Variants in CSRNP3 observed in about 807,000 individuals in gnomAD.
The protein encoded by CSRNP3 is cysteine/serine-rich nuclear protein 3.
In CSRNP3, 12 loss-of-function variants were observed where a neutral mutation model predicts 48.0. The ratio of observed to expected loss-of-function variants is 0.25; its 90% CI spans 0.16 to 0.41. The LOEUF (loss-of-function observed/expected upper bound fraction) is 0.41, where lower values mean the gene tolerates loss of function less well. Among genes scored for constraint, CSRNP3 ranks in the 10% least tolerant of loss-of-function variants. CSRNP3 has a pLI of 1.00. For synonymous variants in CSRNP3, 263 were observed against 269.7 expected, an observed-to-expected ratio of 0.98 and a Z score of 0.24; for missense variants, 580 against 724.4, an observed-to-expected ratio of 0.80 and a Z score of 2.29.
chr2:165,487,956 A>T (rs1165555821), intron 1 of CSRNP3, among the ~76,000 whole-genome samples: 2 of 138,022 alleles, frequency 1.4e-5, no homozygotes, highest in African/African-American at 5.6e-5. Context: ...TATTAACTTT[A>T]AATGTAAATG....
intron 3 of CSRNP3, among the ~76,000 whole-genome samples, chr2:165,526,667 T>C (rs1009034144): frequency 6.6e-6 from 1 of 152,316 alleles, no homozygotes; most frequent in African/African-American, 2.4e-5. Context: ...TGTGAGGACT[T>C]AGGCAAACTG....
At chr2:165,611,797 C>G (rs1686142413) in intron 4 of CSRNP3, among the ~76,000 whole-genome samples, 1 of 152,072 alleles carries the variant, frequency 6.6e-6, no homozygotes, top group East Asian at 1.9e-4. Flanking sequence ...AGTCTCAGTT[C>G]AGTGTTTGAA....
At position 165,687,523 on chromosome 2, in the gene CSRNP3, T is replaced by C. The variant is rs1687649408; in HGVS notation, c.*7770T>C. 6.6e-6 allele frequency: 1 copy of C among 152,098 alleles called. No homozygotes were observed. Among genetic ancestry groups the C allele is most frequent in the African/African-American group, 2.4e-5 (1 of 41,408 alleles). 9.4% of individuals were successfully genotyped at this position (152,098 alleles called of 1,614,324 possible). ...AAGTAATGACCTTCTCATTAATCTT[T>C]CCTTGGCTTAAAATGACAAATAAGA... On this transcript the variant is annotated 3_prime_UTR_variant, in exon 7 of 7. Transcript: ENST00000651982.
intron 2 of CSRNP3, among the ~76,000 whole-genome samples, chr2:165,499,673 A>G (rs1350602638): frequency 6.6e-6 from 1 of 152,170 alleles, no homozygotes; most frequent in Non-Finnish European, 1.5e-5. Flanking sequence ...GAACTGGACT[A>G]AGGTTAAAAG....
At chr2:165,650,414 T>A (rs1253703507) in intron 4 of CSRNP3, among the ~76,000 whole-genome samples, 1 of 152,220 alleles carries the variant, frequency 6.6e-6, no homozygotes, top group Non-Finnish European at 1.5e-5. Flanking sequence ...ACCTTGGCTA[T>A]CATGTCAAGT....
At chr2:165,661,923 C>A (rs2105349618) in intron 5 of CSRNP3, among the ~76,000 whole-genome samples, 1 of 152,196 alleles carries the variant, frequency 6.6e-6, no homozygotes, top group South Asian at 2.1e-4. Context: ...CTTTGAGAAC[C>A]AACAGCCCCA....
At chr2:165,552,976 G>T (rs911036673) in intron 3 of CSRNP3, among the ~76,000 whole-genome samples, 1 of 152,122 alleles carries the variant, frequency 6.6e-6, no homozygotes, top group Non-Finnish European at 1.5e-5. Context: ...TTACAGGTGT[G>T]AGCCAATGTG....
chr2:165,494,832 C>A lies in CSRNP3; in HGVS notation c.-209C>A. ...TTGAAGAAGTCAACGGCTCCTCACCCTGCTCTTCAGTGCAGGAATCAGATG... is the reference window on the plus strand; with the variant it reads ...TTGAAGAAGTCAACGGCTCCTCACCATGCTCTTCAGTGCAGGAATCAGATG... On this transcript the variant is annotated 5_prime_UTR_variant, in exon 2 of 7. It adds an upstream start codon to the 5' untranslated region. Transcript: ENST00000651982. 1.5e-5 allele frequency: 3 copies of A among 201,176 alleles called. No homozygotes were observed. Among genetic ancestry groups the A allele is most frequent in the South Asian group, 2.4e-4 (2 of 8,430 alleles). The allele number at this position is 201,176 out of a possible 1,614,324, so 12.5% of individuals were successfully genotyped here.
At chr2:165,666,082 AAGG>A (rs1687189641) in intron 5 of CSRNP3, among the ~76,000 whole-genome samples, 1 of 114,796 alleles carries the variant, frequency 8.7e-6, no homozygotes, top group Non-Finnish European at 1.9e-5. Context: ...GAGAGAGAGA[AAGG>A]AAGGAAGGAG....
At chr2:165,626,329 A>G (rs1019223152) in intron 4 of CSRNP3, among the ~76,000 whole-genome samples, 2 of 152,134 alleles carry the variant, frequency 1.3e-5, no homozygotes, top group African/African-American at 4.8e-5. Context: ...GAAGTAAGGG[A>G]AGGAGTGAGA....
rs1335736976 is a variant in CSRNP3 at position 165,618,975 on chromosome 2, T to G, written c.148+23762T>G. On this transcript the variant is annotated intron_variant, in intron 4 of 6. Transcript: ENST00000651982. ...ACTTCTTTTCATTTAGACATACCCT[T>G]CCTTTTCTTTCTTTAGGGATGGTTA... Among the ~76,000 whole-genome samples the G allele has an allele frequency of 2.0e-5, 3 of 152,294 alleles. No individual in the cohort carries two copies. In the East Asian group the frequency reaches 5.8e-4, roughly 29 times the overall value.
chr2:165,536,232 G>C (rs766997516), intron 3 of CSRNP3, among the ~76,000 whole-genome samples: 1 of 151,952 alleles, frequency 6.6e-6, no homozygotes, highest in South Asian at 2.1e-4. Flanking sequence ...TTTGTTATTA[G>C]TTCAGTACTG....
intron 4 of CSRNP3, among the ~76,000 whole-genome samples, chr2:165,613,585 G>C (rs1390865754): frequency 6.6e-6 from 1 of 152,130 alleles, no homozygotes; most frequent in African/African-American, 2.4e-5. Context: ...TACAGTGAGA[G>C]ATAGGAGTCT....
rs1396514057 is a variant in CSRNP3 at position 165,682,980 on chromosome 2, A to G, written c.*3227A>G. 6.6e-6 allele frequency: 1 copy of G among 152,142 alleles called. No homozygotes were observed. Among genetic ancestry groups the G allele is most frequent in the East Asian group, 1.9e-4 (1 of 5,182 alleles). 9.4% of individuals were successfully genotyped at this position (152,142 alleles called of 1,614,324 possible). A position where few individuals can be genotyped will look rare whatever the true frequency, so the allele number is the denominator to read the frequency against. ...TTCATGCTCCAGCCCTGGCTATTCT[A>G]GTACCAGTCCTATACCTTTAAATGG... On this transcript the variant is annotated 3_prime_UTR_variant, in exon 7 of 7. Coordinates refer to ENST00000651982, the MANE Select transcript of CSRNP3 (RefSeq NM_001172173.2).
At chr2:165,527,341 G>T (rs184108887) in intron 3 of CSRNP3, among the ~76,000 whole-genome samples, 67 of 151,448 alleles carry the variant, frequency 4.4e-4, no homozygotes, top group African/African-American at 1.6e-3. Flanking sequence ...CGAGTAGCTG[G>T]GACTACAGGT....
At chr2:165,662,613 C>T (rs573555204) in intron 5 of CSRNP3, among the ~76,000 whole-genome samples, 8 of 152,254 alleles carry the variant, frequency 5.3e-5, no homozygotes, top group African/African-American at 1.4e-4. Flanking sequence ...AGACTTTATT[C>T]CCAATTCACA....
chr2:165,476,091 A>C (rs4435467), intron 1 of CSRNP3, among the ~76,000 whole-genome samples: 55,108 of 152,100 alleles, frequency 0.36, 10,031 homozygotes, highest in African/African-American at 0.42. Context: ...TCTGAGTGCT[A>C]TCATACATCC....
chr2:165,675,543 A>T (rs1687409549), intron 5 of CSRNP3, among the ~76,000 whole-genome samples: 1 of 152,230 alleles, frequency 6.6e-6, no homozygotes, highest in Admixed American at 6.5e-5. Flanking sequence ...AAATATAAAT[A>T]GAAGCAGACT....
At chr2:165,520,783 T>TATACATATATATATATATTATATACATA (rs1491513009) in intron 3 of CSRNP3, among the ~76,000 whole-genome samples, 1 of 29,730 alleles carries the variant, frequency 3.4e-5, no homozygotes, top group African/African-American at 2.6e-4. Context: ...TATATATATA[T>TATACATATATATATATATTATATACATA]TATATATATA....
Sources: gnomAD v4.1 joint callset for allele counts (sites outside exome capture counted in the v4.1 genomes callset) on GRCh38, gnomAD v4.1.1 for gene constraint, MANE v1.5 for transcripts, NCBI Gene and HGNC (gene_info 2026-07-23, HGNC 2026-07-21) for gene names.